Variants in THSD4 observed in about 807,000 individuals in gnomAD.
The protein encoded by THSD4 is thrombospondin type-1 domain-containing protein 4.
Under a neutral mutation model 119.0 loss-of-function variants are expected in THSD4, and 69 were observed. That is an observed-to-expected ratio of 0.58 (90% CI 0.48 to 0.71). THSD4 has a LOEUF of 0.71. THSD4 is among the 30% of genes least tolerant of loss of function. The pLI, the probability that THSD4 is intolerant of heterozygous loss-of-function variation, is 0.00. For synonymous variants in THSD4, 524 were observed against 540.4 expected (o/e 0.97, Z 0.42); for missense variants, 1,393 against 1,391.1 (o/e 1.00, Z -0.02).
intron 7 of THSD4, among the ~76,000 whole-genome samples, chr15:71,509,038 T>A (rs1251104688): frequency 6.6e-6 from 1 of 151,922 alleles, no homozygotes; most frequent in African/African-American, 2.4e-5. Flanking sequence ...GATAATTTAA[T>A]CATGTTATTA....
rs575572314 is a variant in THSD4, at chr15:71,151,962, G to A, written c.30-2901G>A. 3.3e-5 allele frequency among the ~76,000 whole-genome samples: 5 copies of A among 152,238 alleles called. No homozygotes were observed. The East Asian group carries it at 9.6e-4, about 29-fold the overall frequency. ...CTGTGTATCTGCACTGGACAGTACC[G>A]ACAGAGAATGTTTCCGTCATCATAG... On this transcript the variant is annotated intron_variant, in intron 2 of 17. Coordinates refer to ENST00000261862, the MANE Select transcript of THSD4 (RefSeq NM_024817.3).
rs1379506089 is a variant in THSD4, at chr15:71,532,283, A to AGAGAGAGTGTGT, written c.1152+120461_1152+120462insAGAGAGTGTGTG. ...AAGGGTGAGAGAGAGAGAGAGAGAG[A>AGAGAGAGTGTGT]GTGTGTGTGTGTGTGTGTGTGTGTG... is the stretch of plus-strand genomic sequence containing the variant. On this transcript the variant is annotated intron_variant, in intron 7 of 17. Coordinates refer to ENST00000261862, the MANE Select transcript of THSD4 (RefSeq NM_024817.3). Among the ~76,000 whole-genome samples, 249 of 101,640 alleles carry AGAGAGAGTGTGT rather than the reference A, an allele frequency of 2.4e-3. 3 individuals carry two copies. Among genetic ancestry groups the AGAGAGAGTGTGT allele is most frequent in the Non-Finnish European group, 3.8e-3 (181 of 47,946 alleles). The allele number at this position is 101,640 out of a possible 152,430, so 66.7% of individuals were successfully genotyped here.
At chr15:71,199,472 TG>T (rs1567154482) in intron 3 of THSD4, among the ~76,000 whole-genome samples, 22 of 132,846 alleles carry the variant, frequency 1.7e-4, no homozygotes, top group African/African-American at 6.5e-4. Flanking sequence ...TGTGTGTGTG[TG>T]GTGTGTGTGT....
At chr15:71,441,591 C>T (rs2047092536) in intron 7 of THSD4, among the ~76,000 whole-genome samples, 1 of 151,212 alleles carries the variant, frequency 6.6e-6, no homozygotes, top group Admixed American at 6.6e-5. Context: ...GACGGGGTTT[C>T]ACTATGTTGG....
chr15:71,349,451 G>T (rs2045715925), intron 6 of THSD4, among the ~76,000 whole-genome samples: 1 of 151,958 alleles, frequency 6.6e-6, no homozygotes, highest in African/African-American at 2.4e-5. Flanking sequence ...ATCTCCCCCT[G>T]CCCCTATCAA....
intron 7 of THSD4, among the ~76,000 whole-genome samples, chr15:71,438,763 CA>C (rs2047049682): frequency 6.6e-6 from 1 of 152,200 alleles, no homozygotes; most frequent in Admixed American, 6.5e-5. Flanking sequence ...GCAGAACACA[CA>C]GGTGTTTGAA....
At chr15:71,710,721 G>A (rs1467930416) in intron 8 of THSD4, among the ~76,000 whole-genome samples, 1 of 152,174 alleles carries the variant, frequency 6.6e-6, no homozygotes, top group Non-Finnish European at 1.5e-5. Context: ...GACCTGCAGT[G>A]AGCAGAGCAG....
chr15:71,417,495 TC>T lies in THSD4; in HGVS notation c.1152+5674del, dbSNP rs1178987204. On this transcript the variant is annotated intron_variant, in intron 7 of 17. Coordinates refer to ENST00000261862, the MANE Select transcript of THSD4 (RefSeq NM_024817.3). ...AGCACCATTTTTTTTGAGGAGACTG[TC>T]CTTTTTCCAATGTATGCTCTTGACC... 1.9e-5 allele frequency among the ~76,000 whole-genome samples: 2 copies of T among 108,046 alleles called. 1 individual carries two copies. 70.9% of individuals were successfully genotyped at this position (108,046 alleles called of 152,430 possible). A position where few individuals can be genotyped will look rare whatever the true frequency, so the allele number is the denominator to read the frequency against.
chr15:71,652,237 C>T (rs556064683), intron 7 of THSD4, among the ~76,000 whole-genome samples: 3 of 152,170 alleles, frequency 2.0e-5, no homozygotes, highest in Non-Finnish European at 4.4e-5. Context: ...CAGCTTCTAA[C>T]AGACCCATCC....
intron 5 of THSD4, among the ~76,000 whole-genome samples, chr15:71,244,556 G>A (rs1036115581): frequency 9.2e-5 from 14 of 152,118 alleles, no homozygotes; most frequent in Non-Finnish European, 1.8e-4. Flanking sequence ...ATTTTAAAAA[G>A]CAGTAATTTT....
chr15:71,748,148 C>T (rs1200772388), intron 13 of THSD4, among the ~76,000 whole-genome samples: 1 of 152,148 alleles, frequency 6.6e-6, no homozygotes, highest in Non-Finnish European at 1.5e-5. Flanking sequence ...TAAGGTTTCT[C>T]TGGGGGTCTC....
chr15:71,248,548 C>A (rs1483155050), intron 5 of THSD4, among the ~76,000 whole-genome samples: 1 of 152,058 alleles, frequency 6.6e-6, no homozygotes, highest in African/African-American at 2.4e-5. Context: ...ACAGAGTGCA[C>A]TTAACATTAT....
chr15:71,737,095 G>A (rs182393254), intron 10 of THSD4, among the ~76,000 whole-genome samples: 1 of 152,172 alleles, frequency 6.6e-6, no homozygotes, highest in Non-Finnish European at 1.5e-5. Flanking sequence ...AGTTTAACCA[G>A]TACCACTGGT....
chr15:71,705,286 T>G (rs1358404423), intron 8 of THSD4, among the ~76,000 whole-genome samples: 1 of 152,174 alleles, frequency 6.6e-6, no homozygotes, highest in Non-Finnish European at 1.5e-5. Context: ...GGCTGAGCCC[T>G]GTGTGTGGAG....
intron 7 of THSD4, among the ~76,000 whole-genome samples, chr15:71,599,834 G>C (rs549124961): frequency 8.5e-5 from 13 of 152,304 alleles, no homozygotes; most frequent in Admixed American, 3.9e-4. Flanking sequence ...CGAAACACTG[G>C]GAGCCGCATA....
intron 7 of THSD4, among the ~76,000 whole-genome samples, chr15:71,430,031 C>A (rs1014575667): frequency 3.3e-5 from 5 of 151,602 alleles, no homozygotes; most frequent in African/African-American, 1.2e-4. Flanking sequence ...GGGCCAGTGG[C>A]AATGTGATAG....
At chr15:71,313,237 A>T (rs928084656) in intron 6 of THSD4, among the ~76,000 whole-genome samples, 15 of 152,274 alleles carry the variant, frequency 9.9e-5, no homozygotes, top group African/African-American at 3.6e-4. Flanking sequence ...CACTGAATTT[A>T]GTTGGCCCCT....
intron 7 of THSD4, among the ~76,000 whole-genome samples, chr15:71,614,205 T>G (rs753279704): frequency 6.6e-6 from 1 of 152,244 alleles, no homozygotes; most frequent in Non-Finnish European, 1.5e-5. Flanking sequence ...TACCTTTGTT[T>G]GGGAAGAATT....
At position 71,371,971 on chromosome 15, in the gene THSD4, T is replaced by C. The variant is rs573236951; in HGVS notation, c.1016-39716T>C. On this transcript the variant is annotated intron_variant, in intron 6 of 17. Transcript: ENST00000261862. ...AGTCCCATATTTCTTGGAGGCTTTG[T>C]TCATTTCTTTTTACTCTTTTTTCTC... Among the ~76,000 whole-genome samples the C allele has an allele frequency of 5.3e-4, 81 of 152,310 alleles. No individual in the cohort carries two copies. In the South Asian group the frequency reaches 0.016, roughly 30 times the overall value.
Sources: gnomAD v4.1 joint callset for allele counts (sites outside exome capture counted in the v4.1 genomes callset) on GRCh38, gnomAD v4.1.1 for gene constraint, MANE v1.5 for transcripts, NCBI Gene and HGNC (gene_info 2026-07-23, HGNC 2026-07-21) for gene names.